Variants in HLA-DRB5 observed in about 807,000 individuals in gnomAD.
HLA-DRB5 encodes the protein major histocompatibility complex, class II, DR beta 5.
A neutral mutation model predicts 22.4 loss-of-function variants in HLA-DRB5; 11 were observed. That is an observed-to-expected ratio of 0.49 (90% confidence interval 0.31 to 0.81). The LOEUF is 0.81. Among genes scored for constraint, HLA-DRB5 ranks in the 40% least tolerant of loss-of-function variants. HLA-DRB5 has a pLI of 0.05. For missense variants in HLA-DRB5, 106 were observed against 274.4 expected, an observed-to-expected ratio of 0.39 and a Z score of 4.34; for synonymous variants, 57 against 106.0, an observed-to-expected ratio of 0.54 and a Z score of 2.84.
intron 1 of HLA-DRB5, among the ~76,000 whole-genome samples, chr6:32,522,761 C>T (rs145612808): frequency 0.18 from 4,927 of 27,254 alleles, 1,514 homozygotes; most frequent in East Asian, 0.24. Flanking sequence ...TGTGGAGTTC[C>T]AGAACACAGA....
intron 1 of HLA-DRB5, among the ~76,000 whole-genome samples, chr6:32,528,962 C>T (rs1221498311): frequency 6.9e-6 from 1 of 145,870 alleles, no homozygotes; most frequent in African/African-American, 2.5e-5. Context: ...AAAATTATCT[C>T]TTTCAATGGA....
chr6:32,530,078 TA>T, intron 1 of HLA-DRB5, 46 bp downstream of exon 1: 7 of 1,114,464 alleles, frequency 6.3e-6, no homozygotes, highest in Non-Finnish European at 9.1e-6. Flanking sequence ...CAAAACTCCC[TA>T]TTTTCCCCAC....
chr6:32,519,857 T>C (rs80292027), intron 2 of HLA-DRB5, among the ~76,000 whole-genome samples: 25,190 of 76,474 alleles, frequency 0.33, 4,920 homozygotes, highest in Middle Eastern at 0.45. Flanking sequence ...TGAAAAATTG[T>C]GTTTGTTTCT....
chr6:32,524,393 A>AT (rs373846149), intron 1 of HLA-DRB5, among the ~76,000 whole-genome samples: 1,006 of 105,078 alleles, frequency 9.6e-3, no homozygotes, highest in East Asian at 0.012. Context: ...CAGCTATTTT[A>AT]TTCCCATTTA....
chr6:32,522,631 G>A (rs114785354), intron 1 of HLA-DRB5, among the ~76,000 whole-genome samples: 6,292 of 28,458 alleles, frequency 0.22, 2,160 homozygotes, highest in Middle Eastern at 0.57. Context: ...CACTGCCTCT[G>A]GGAATCCAAA....
chr6:32,521,627 C>CT, intron 2 of HLA-DRB5, among the ~76,000 whole-genome samples: 1 of 80,394 alleles, frequency 1.2e-5, no homozygotes, highest in Non-Finnish European at 2.5e-5. Flanking sequence ...CATGTCACCT[C>CT]CCCACAGAGG....
Position 32,527,546 on chromosome 6 carries a change from T to G in HLA-DRB5, c.100+2579A>C, listed in dbSNP as rs112062959. Reference sequence around the variant, plus strand: ...TAAAAAAAAAGAATATAAATTGACTTTCCTTGTAACCATCCAGTAGCTTCC... The same window carrying G: ...TAAAAAAAAAGAATATAAATTGACTGTCCTTGTAACCATCCAGTAGCTTCC... On this transcript the variant is annotated intron_variant, in intron 1 of 5. Coordinates refer to ENST00000374975, the MANE Select transcript of HLA-DRB5 (RefSeq NM_002125.4). Among the ~76,000 whole-genome samples, 2 of 25,180 alleles carry G rather than the reference T, an allele frequency of 7.9e-5. 1 individual carries two copies. Among genetic ancestry groups the G allele is most frequent in the Non-Finnish European group, 1.7e-4 (2 of 11,754 alleles). The allele number at this position is 25,180 out of a possible 152,430, so 16.5% of individuals were successfully genotyped here.
Position 32,528,192 on chromosome 6 carries a change from A to G in HLA-DRB5, c.100+1933T>C, listed in dbSNP as rs1262711646. ...CTTTCTCAAGTAGGGCTCTCTAGACATATGAACTAAAGTAGGTGAATCCAT... is the reference window on the plus strand; with the variant it reads ...CTTTCTCAAGTAGGGCTCTCTAGACGTATGAACTAAAGTAGGTGAATCCAT... On this transcript the variant is annotated intron_variant, in intron 1 of 5. Transcript: ENST00000374975. 7.9e-5 allele frequency among the ~76,000 whole-genome samples: 4 copies of G among 50,864 alleles called. 2 individuals are homozygous for G. Among genetic ancestry groups the G allele is most frequent in the African/African-American group, 3.4e-4 (4 of 11,732 alleles). 33.4% of individuals were successfully genotyped at this position (50,864 alleles called of 152,430 possible). A position where few individuals can be genotyped will look rare whatever the true frequency, so the allele number is the denominator to read the frequency against.
chr6:32,523,713 A>T (rs113464006), intron 1 of HLA-DRB5, among the ~76,000 whole-genome samples: 3,503 of 111,772 alleles, frequency 0.031, no homozygotes, highest in East Asian at 0.042. Flanking sequence ...ATTCAACAAG[A>T]AAGTGGTTGA....
chr6:32,528,051 G>C (rs114102372), intron 1 of HLA-DRB5, among the ~76,000 whole-genome samples: 33 of 32,732 alleles, frequency 1.0e-3, no homozygotes, highest in Non-Finnish European at 1.4e-3. Flanking sequence ...CCTTCTTTCT[G>C]TCCCTGCACA....
intron 2 of HLA-DRB5, among the ~76,000 whole-genome samples, chr6:32,521,611 A>C (rs796519214): frequency 0.011 from 779 of 68,316 alleles, no homozygotes; most frequent in East Asian, 0.027. Flanking sequence ...CCCTGCACCC[A>C]CCTCCCATGT....
At position 32,526,268 on chromosome 6, in the gene HLA-DRB5, C is replaced by G. The variant is rs1357499693; in HGVS notation, c.100+3857G>C. On this transcript the variant is annotated intron_variant, in intron 1 of 5. Coordinates refer to ENST00000374975, the MANE Select transcript of HLA-DRB5 (RefSeq NM_002125.4). ...TCACCCTCCTCTTAGTGGTACTCACCACAATTGGCCTCTCCCTTCTCCTTG... is the reference window on the plus strand; with the variant it reads ...TCACCCTCCTCTTAGTGGTACTCACGACAATTGGCCTCTCCCTTCTCCTTG... 4.6e-5 allele frequency among the ~76,000 whole-genome samples: 2 copies of G among 43,378 alleles called. 1 individual carries two copies. Among genetic ancestry groups the G allele is most frequent in the Non-Finnish European group, 9.4e-5 (2 of 21,230 alleles). The allele number at this position is 43,378 out of a possible 152,430, so 28.5% of individuals were successfully genotyped here.
chr6:32,527,140 T>A (rs201056509), intron 1 of HLA-DRB5, among the ~76,000 whole-genome samples: 3,641 of 41,944 alleles, frequency 0.087, 86 homozygotes, highest in Middle Eastern at 0.21. Flanking sequence ...TGCTCCTAAA[T>A]AGTCTTCCTA....
At chr6:32,524,992 C>A (rs1425375917) in intron 1 of HLA-DRB5, among the ~76,000 whole-genome samples, 722 of 34,842 alleles carry the variant, frequency 0.021, 245 homozygotes, top group Middle Eastern at 0.042. Context: ...TCAACACATG[C>A]CTATGATAGA....
intron 1 of HLA-DRB5, among the ~76,000 whole-genome samples, chr6:32,524,003 T>TC (rs148282639): frequency 0.22 from 11,340 of 50,922 alleles, 2,497 homozygotes; most frequent in African/African-American, 0.25. Flanking sequence ...CAAAAATTGC[T>TC]CAAACATTGC....
At chr6:32,528,160 G>A (rs114446916) in intron 1 of HLA-DRB5, among the ~76,000 whole-genome samples, 37,774 of 61,494 alleles carry the variant, frequency 0.61, 16,015 homozygotes, top group Middle Eastern at 0.75. Context: ...TTCTCAGCTG[G>A]ATGTCACTTT....
chr6:32,519,005 G>A (rs1221770527), intron 3 of HLA-DRB5, among the ~76,000 whole-genome samples: 148 of 104,542 alleles, frequency 1.4e-3, no homozygotes, highest in Middle Eastern at 9.4e-3. Context: ...TGTCAGGAAG[G>A]CCCCTACACT....
At chr6:32,524,930 C>T (rs1377571306) in intron 1 of HLA-DRB5, among the ~76,000 whole-genome samples, 10 of 38,870 alleles carry the variant, frequency 2.6e-4, no homozygotes, top group Admixed American at 3.4e-4. Flanking sequence ...CCTAGCCAGA[C>T]TTGCTAGTCA....
intron 1 of HLA-DRB5, among the ~76,000 whole-genome samples, chr6:32,529,138 C>G (rs201516868): frequency 0.11 from 11,176 of 100,954 alleles, no homozygotes; most frequent in African/African-American, 0.14. Flanking sequence ...GACAAGACCC[C>G]AGTAAGACAA....
Sources: gnomAD v4.1 joint callset for allele counts (sites outside exome capture counted in the v4.1 genomes callset) on GRCh38, gnomAD v4.1.1 for gene constraint, MANE v1.5 for transcripts, NCBI Gene and HGNC (gene_info 2026-07-23, HGNC 2026-07-21) for gene names.